Variants in PCDH15 observed in about 807,000 individuals in gnomAD.
The protein encoded by PCDH15 is protocadherin related 15, also known as protocadherin-15.
Under a neutral mutation model 178.5 loss-of-function variants are expected in PCDH15, and 129 were observed. That is an observed-to-expected ratio of 0.72 (90% CI 0.63 to 0.84). The LOEUF (loss-of-function observed/expected upper bound fraction) is 0.84, where lower values mean the gene tolerates loss of function less well. Ranked by LOEUF, PCDH15 falls within the 40% of genes least tolerant of loss-of-function variation. The probability of loss-of-function intolerance (pLI) is 0.00; values close to 1 mark genes in which losing one functional copy is unlikely to be tolerated. For synonymous variants in PCDH15, 800 were observed against 732.0 expected (o/e 1.09, Z -1.50); for missense variants, 2,230 against 2,099.9 (o/e 1.06, Z -1.21).
At chr10:54,763,306 T>C (rs1229422409) in intron 1 of PCDH15, among the ~76,000 whole-genome samples, 2 of 152,254 alleles carry the variant, frequency 1.3e-5, no homozygotes, top group East Asian at 1.9e-4. Context: ...CCAGAACACA[T>C]TTCACAATTT....
chr10:55,149,750 AC>A (rs1323173831), intron 2 of PCDH15, among the ~76,000 whole-genome samples: 1 of 152,056 alleles, frequency 6.6e-6, no homozygotes. Flanking sequence ...GAAGACGTCA[AC>A]CTTTTTTTGA....
chr10:53,807,475 T>TATTCAGGAAAGTTAA (rs1841268020), intron 37 of PCDH15, among the ~76,000 whole-genome samples: 1 of 152,198 alleles, frequency 6.6e-6, no homozygotes, highest in Non-Finnish European at 1.5e-5. Context: ...GCTGCTCTAC[T>TATTCAGGAAAGTTAA]ATTCAGGAAA....
At chr10:53,942,558 C>G (rs1242298234) in intron 23 of PCDH15, among the ~76,000 whole-genome samples, 1 of 152,170 alleles carries the variant, frequency 6.6e-6, no homozygotes, top group African/African-American at 2.4e-5. Flanking sequence ...ATATCCCTCA[C>G]TGGATTTGAT....
chr10:55,126,944 G>A (rs568511042), intron 2 of PCDH15, among the ~76,000 whole-genome samples: 2 of 151,830 alleles, frequency 1.3e-5, no homozygotes, highest in Non-Finnish European at 2.9e-5. Flanking sequence ...TGATAAAAAG[G>A]CCATACTCTC....
intron 1 of PCDH15, among the ~76,000 whole-genome samples, chr10:55,248,810 G>C (rs931071429): frequency 6.6e-6 from 1 of 152,078 alleles, no homozygotes; most frequent in South Asian, 2.1e-4. Context: ...CCCCACCTCA[G>C]CCTCCCAAAG....
chr10:54,051,714 A>G (rs977565433), intron 18 of PCDH15, among the ~76,000 whole-genome samples: 5 of 152,210 alleles, frequency 3.3e-5, no homozygotes, highest in African/African-American at 9.6e-5. Context: ...ATTTGCATAG[A>G]TAACAAGGAA....
intron 2 of PCDH15, among the ~76,000 whole-genome samples, chr10:55,606,282 G>A (rs1843214154): frequency 1.0e-5 from 1 of 96,188 alleles, no homozygotes; most frequent in Non-Finnish European, 2.0e-5. Context: ...CCATGCTCAT[G>A]GGTAGGAAGA....
At chr10:54,357,923 C>T (rs1230565638) in intron 5 of PCDH15, among the ~76,000 whole-genome samples, 1 of 151,952 alleles carries the variant, frequency 6.6e-6, no homozygotes, top group Admixed American at 6.6e-5. Context: ...AAAGGATTCC[C>T]TATTTAATAA....
At chr10:54,698,626 T>C (rs79153155) in intron 1 of PCDH15, among the ~76,000 whole-genome samples, 1 of 152,276 alleles carries the variant, frequency 6.6e-6, no homozygotes, top group East Asian at 1.9e-4. Flanking sequence ...ATAAATTTGA[T>C]CAATTACTTA....
intron 1 of PCDH15, among the ~76,000 whole-genome samples, chr10:55,232,428 G>T (rs1286356843): frequency 6.6e-6 from 1 of 152,000 alleles, no homozygotes; most frequent in African/African-American, 2.4e-5. Context: ...ATAATATAAT[G>T]TATAATGTTT....
intron 2 of PCDH15, among the ~76,000 whole-genome samples, chr10:55,486,698 A>T (rs1389905142): frequency 6.6e-6 from 1 of 151,288 alleles, no homozygotes; most frequent in Non-Finnish European, 1.5e-5. Flanking sequence ...TAGAGATTGG[A>T]GTCTTTCTAT....
At chr10:53,892,661 A>T (rs2081651830) in intron 26 of PCDH15, among the ~76,000 whole-genome samples, 1 of 152,180 alleles carries the variant, frequency 6.6e-6, no homozygotes, top group African/African-American at 2.4e-5. Flanking sequence ...CAGACTAATA[A>T]GGAGAAATGC....
chr10:53,910,489 C>A (rs537982968), intron 25 of PCDH15, among the ~76,000 whole-genome samples: 7 of 152,234 alleles, frequency 4.6e-5, no homozygotes, highest in African/African-American at 1.4e-4. Flanking sequence ...GACACCCACA[C>A]CAAAACCCCA....
At chr10:55,081,163 C>T (rs1842031386) in intron 2 of PCDH15, among the ~76,000 whole-genome samples, 1 of 152,156 alleles carries the variant, frequency 6.6e-6, no homozygotes, top group Non-Finnish European at 1.5e-5. Context: ...CTGATCTCAG[C>T]CAAGCTGGCC....
chr10:54,377,912 G>T (rs7922308), intron 4 of PCDH15, among the ~76,000 whole-genome samples: 133,487 of 151,936 alleles, frequency 0.88, 58,704 homozygotes, highest in East Asian at 0.99. Flanking sequence ...ATCCAACTAC[G>T]TTGGTAATTT....
chr10:54,482,049 T>C (rs879347227), intron 3 of PCDH15, among the ~76,000 whole-genome samples: 2 of 151,888 alleles, frequency 1.3e-5, no homozygotes, highest in African/African-American at 2.4e-5. Context: ...CTGCTGAAAG[T>C]GTTTTCCTAG....
chr10:54,842,938 A>G (rs2133762975), intron 3 of PCDH15, among the ~76,000 whole-genome samples: 1 of 152,044 alleles, frequency 6.6e-6, no homozygotes, highest in South Asian at 2.1e-4. Context: ...AAAAAGAAAT[A>G]AGTGTCATCG....
At chr10:53,825,506 A>T (rs2076619974) in intron 32 of PCDH15, among the ~76,000 whole-genome samples, 1 of 151,756 alleles carries the variant, frequency 6.6e-6, no homozygotes, top group Non-Finnish European at 1.5e-5. Flanking sequence ...ACTCTGTAAA[A>T]CTGGTTAATG....
intron 2 of PCDH15, among the ~76,000 whole-genome samples, chr10:55,594,780 A>G (rs1365943455): frequency 6.6e-6 from 1 of 152,040 alleles, no homozygotes; most frequent in Non-Finnish European, 1.5e-5. Context: ...TGGTTTGGAA[A>G]TTTAAGAAGA....
Sources: allele counts gnomAD v4.1 joint callset (sites outside exome capture counted in the v4.1 genomes callset), GRCh38; gene constraint gnomAD v4.1.1; transcripts MANE v1.5; gene names NCBI Gene and HGNC (gene_info 2026-07-23, HGNC 2026-07-21).